PARP8: variants seen among roughly 807,000 people sequenced by gnomAD.
PARP8 encodes poly(ADP-ribose) polymerase family member 8.
A neutral mutation model predicts 124.1 loss-of-function variants in PARP8; 51 were observed. The observed-to-expected ratio is 0.41, with a 90% CI of 0.33 to 0.52. The LOEUF (loss-of-function observed/expected upper bound fraction) is 0.52, where lower values mean the gene tolerates loss of function less well. PARP8 is among the 20% of genes least tolerant of loss of function. The probability of loss-of-function intolerance (pLI) is 0.21; values close to 1 mark genes in which losing one functional copy is unlikely to be tolerated. For missense variants in PARP8, 860 were observed against 1,018.9 expected (o/e 0.84, Z 2.12); for synonymous variants, 391 against 361.5 (o/e 1.08, Z -0.93).
chr5:50,785,384 C>T (rs1741134803), intron 9 of PARP8, among the ~76,000 whole-genome samples: 2 of 152,062 alleles, frequency 1.3e-5, no homozygotes, highest in Admixed American at 1.3e-4. Flanking sequence ...GTATCATACG[C>T]AGTTTTCTCC....
At chr5:50,706,735 G>T (rs549065331) in intron 2 of PARP8, among the ~76,000 whole-genome samples, 1 of 151,964 alleles carries the variant, frequency 6.6e-6, no homozygotes, top group Non-Finnish European at 1.5e-5. Flanking sequence ...TACAAATACC[G>T]CAGAGCTTGG....
At chr5:50,716,673 A>T (rs1320941039) in intron 2 of PARP8, among the ~76,000 whole-genome samples, 1 of 152,034 alleles carries the variant, frequency 6.6e-6, no homozygotes, top group Non-Finnish European at 1.5e-5. Flanking sequence ...CTTAGTCCAA[A>T]ACAGTGGCCT....
At chr5:50,692,358 A>G (rs1271506804) in intron 2 of PARP8, among the ~76,000 whole-genome samples, 2 of 152,066 alleles carry the variant, frequency 1.3e-5, no homozygotes, top group African/African-American at 4.8e-5. Context: ...AGTCTTCCCT[A>G]AGACTCTCAA....
At chr5:50,818,226 T>G (rs370654995) in intron 15 of PARP8, among the ~76,000 whole-genome samples, 1 of 145,788 alleles carries the variant, frequency 6.9e-6, no homozygotes, top group Admixed American at 6.9e-5. Flanking sequence ...TCTTTTTTAT[T>G]TTTTCTTTCT....
chr5:50,680,208 G>A (rs1751130938), intron 2 of PARP8, among the ~76,000 whole-genome samples: 1 of 152,106 alleles, frequency 6.6e-6, no homozygotes, highest in African/African-American at 2.4e-5. Flanking sequence ...ACTCTGGATC[G>A]GTGCCCTTTA....
chr5:50,680,911 G>T (rs1751218066), intron 2 of PARP8, among the ~76,000 whole-genome samples: 1 of 152,024 alleles, frequency 6.6e-6, no homozygotes, highest in Non-Finnish European at 1.5e-5. Flanking sequence ...AAACAAACAG[G>T]TGAAAATCAC....
chr5:50,747,910 C>A (rs1758788218), intron 2 of PARP8, among the ~76,000 whole-genome samples: 1 of 151,254 alleles, frequency 6.6e-6, no homozygotes, highest in African/African-American at 2.4e-5. Flanking sequence ...ATAGCTGGGA[C>A]TACAGGCGCC....
At position 50,779,282 on chromosome 5, in the gene PARP8, T is replaced by TA. The variant is rs941545116; in HGVS notation, c.670+641dup. On this transcript the variant is annotated intron_variant, in intron 9 of 25. Coordinates refer to ENST00000281631, the MANE Select transcript of PARP8 (RefSeq NM_024615.4). Reference sequence around the variant, plus strand: ...TGTTCCAGTTATCTAGTGTTACATTTAAAAAAAAATCCTAAAACTTAGTGG... The same window carrying TA: ...TGTTCCAGTTATCTAGTGTTACATTTAAAAAAAAAATCCTAAAACTTAGTGG... Among the ~76,000 whole-genome samples, 19 of 151,624 alleles carry TA rather than the reference T, an allele frequency of 1.3e-4. No homozygotes were observed. The South Asian group carries it at 1.7e-3, about 13-fold the overall frequency.
intron 2 of PARP8, among the ~76,000 whole-genome samples, chr5:50,691,602 G>C (rs2149461409): frequency 6.6e-6 from 1 of 152,082 alleles, no homozygotes; most frequent in African/African-American, 2.4e-5. Context: ...CATCAACCTT[G>C]TGTTGGTTAC....
At chr5:50,732,775 C>T (rs1240613220) in intron 2 of PARP8, among the ~76,000 whole-genome samples, 6 of 151,724 alleles carry the variant, frequency 4.0e-5, no homozygotes, top group Admixed American at 3.3e-4. Flanking sequence ...CCCACCACCA[C>T]GCTCGGCTAA....
At chr5:50,681,027 A>G (rs995803340) in intron 2 of PARP8, among the ~76,000 whole-genome samples, 2 of 152,152 alleles carry the variant, frequency 1.3e-5, no homozygotes, top group Non-Finnish European at 2.9e-5. Context: ...GACTTTAGTT[A>G]TCTTAAAAAC....
chr5:50,704,962 T>C (rs1394377577), intron 2 of PARP8, among the ~76,000 whole-genome samples: 2 of 152,198 alleles, frequency 1.3e-5, no homozygotes, highest in Non-Finnish European at 2.9e-5. Flanking sequence ...TGATCAATGA[T>C]TTACTTCCTT....
At chr5:50,667,581 C>CT in intron 1 of PARP8, 1 of 698,892 alleles carries the variant, frequency 1.4e-6, no homozygotes, top group Non-Finnish European at 2.6e-6. Context: ...GGAATGGAGC[C>CT]TGCTGCGCTG....
At chr5:50,709,756 A>G (rs1294053617) in intron 2 of PARP8, among the ~76,000 whole-genome samples, 1 of 151,624 alleles carries the variant, frequency 6.6e-6, no homozygotes, top group African/African-American at 2.4e-5. Flanking sequence ...GCAAAAATAT[A>G]AAAAGGAGAA....
In PARP8 at chr5:50,843,361, TTTTAA is replaced by T. The variant is rs1398365750; in HGVS notation, c.*1298_*1302del. The stretch of plus-strand genomic sequence containing the variant: ...AACCCTGAATCAAGGCTCTATCTGA[TTTTAA>T]TTTATGTAAAAAAAAATAAAAATGT... On this transcript the variant is annotated 3_prime_UTR_variant, in exon 26 of 26. Coordinates refer to ENST00000281631, the MANE Select transcript of PARP8 (RefSeq NM_024615.4). 6.6e-6 allele frequency: 1 copy of T among 150,990 alleles called. No individual in the cohort carries two copies. Among genetic ancestry groups the T allele is most frequent in the Non-Finnish European group, 1.5e-5 (1 of 67,812 alleles). The allele number at this position is 150,990 out of a possible 1,614,324, so 9.4% of individuals were successfully genotyped here. A position where few individuals can be genotyped will look rare whatever the true frequency, so the allele number is the denominator to read the frequency against.
chr5:50,811,992 T>G (rs1744508802), intron 14 of PARP8, among the ~76,000 whole-genome samples: 1 of 152,234 alleles, frequency 6.6e-6, no homozygotes, highest in Non-Finnish European at 1.5e-5. Context: ...CTGTCATTGA[T>G]GGACATTTGG....
chr5:50,807,245 C>CTACT (rs370143284), intron 14 of PARP8, among the ~76,000 whole-genome samples: 1 of 152,002 alleles, frequency 6.6e-6, no homozygotes, highest in African/African-American at 2.4e-5. Flanking sequence ...GGGAACTAAA[C>CTACT]TACTTACTTA....
At chr5:50,709,844 AGTGTGTGTGTGTGT>A (rs35238386) in intron 2 of PARP8, among the ~76,000 whole-genome samples, 1 of 127,902 alleles carries the variant, frequency 7.8e-6, no homozygotes, top group East Asian at 2.4e-4. Flanking sequence ...TTTGTACAAG[AGTGTGTGTGTGTGT>A]GTGTGTGTGT....
intron 7 of PARP8, among the ~76,000 whole-genome samples, chr5:50,769,283 T>G (rs1452815319): frequency 6.6e-6 from 1 of 152,098 alleles, no homozygotes; most frequent in African/African-American, 2.4e-5. Flanking sequence ...TACTGATTTT[T>G]TTTTTTAATC....
Sources: allele counts gnomAD v4.1 joint callset (sites outside exome capture counted in the v4.1 genomes callset), GRCh38; gene constraint gnomAD v4.1.1; transcripts MANE v1.5; gene names NCBI Gene and HGNC (gene_info 2026-07-23, HGNC 2026-07-21).